ATN1: variants seen among roughly 807,000 people sequenced by gnomAD.
ATN1 encodes the protein atrophin 1, also known as atrophin-1.
Under a neutral mutation model 85.8 loss-of-function variants are expected in ATN1, and 19 were observed. The ratio of observed to expected loss-of-function variants is 0.22; its 90% CI spans 0.15 to 0.32. ATN1 has a LOEUF of 0.32. Among genes scored for constraint, ATN1 ranks in the 10% least tolerant of loss-of-function variants. ATN1 has a pLI of 1.00. For synonymous variants in ATN1, 674 were observed against 657.0 expected, an observed-to-expected ratio of 1.03 and a Z score of -0.39; for missense variants, 1,453 against 1,564.5, an observed-to-expected ratio of 0.93 and a Z score of 1.20.
In ATN1 at chr12:6,939,223, C is replaced by T. The variant is rs782527560; in HGVS notation, c.3214+46C>T. Reference sequence around the variant, plus strand: ...CCCTGGCCCTTTGGGGCCACCTTCCCCCTATCATGACTGGGCTCTTTCATT... The same window carrying T: ...CCCTGGCCCTTTGGGGCCACCTTCCTCCTATCATGACTGGGCTCTTTCATT... On this transcript the variant is annotated intron_variant, in intron 7 of 9. Coordinates refer to ENST00000396684, the MANE Select transcript of ATN1 (RefSeq NM_001940.4). 10 of 1,540,012 alleles carry T rather than the reference C, an allele frequency of 6.5e-6. No individual in the cohort carries two copies. The South Asian group carries it at 9.6e-5, about 15-fold the overall frequency.
chr12:6,937,567 C>A lies in ATN1; in HGVS notation c.2294+6C>A. 1.3e-6 allele frequency: 2 copies of A among 1,489,626 alleles called. No individual in the cohort carries two copies. The highest frequency in any genetic ancestry group is 1.8e-6 in the Non-Finnish European group (2 of 1,120,244). The allele number at this position is 1,489,626 out of a possible 1,614,324, so 92.3% of individuals were successfully genotyped here. ...CATGCCAGTCAGTCTGCCAGGTGAG[C>A]GGCCAGGTGGGGCGGAGGTGGGCCT... On this transcript the variant is annotated splice_donor_region_variant and intron_variant, in intron 5 of 9. Transcript: ENST00000396684. This position sits in a 1 kb window ranked among gnomAD's most constrained non-coding sequence, Gnocchi z 6.0.
At chr12:6,929,315 A>G (rs1443940498) in intron 1 of ATN1, among the ~76,000 whole-genome samples, 1 of 152,148 alleles carries the variant, frequency 6.6e-6, no homozygotes, top group East Asian at 1.9e-4. Context: ...TGATCTATAT[A>G]GGGAGGCCTT....
At position 6,936,860 on chromosome 12, in the gene ATN1, C is replaced by T; in HGVS notation, c.1593C>T (p.Ala531=). 1.9e-6 allele frequency: 3 copies of T among 1,614,044 alleles called. No homozygotes were observed. The highest frequency in any genetic ancestry group is 2.5e-6 in the Non-Finnish European group (3 of 1,179,978). The change falls in exon 5 of 10, where the codon GCC becomes GCT. Residue 531 remains alanine, a synonymous_variant. Transcript: ENST00000396684. ...GGSSHHAHPY[A]MSPSLGSLRP... is the part of the protein sequence containing the mutation. ...GCTCCCACCACGCACACCCTTACGC[C>T]ATGTCTCCCTCCCTGGGGTCTCTGA... is the stretch of plus-strand genomic sequence containing the variant.
rs1443242817 is a variant in ATN1 at position 6,938,924 on chromosome 12, C to T, written c.2961C>T (p.His987=). The change falls in exon 7 of 10, where the codon CAC becomes CAT. Residue 987 remains histidine, a synonymous_variant. Coordinates refer to ENST00000396684, the MANE Select transcript of ATN1 (RefSeq NM_001940.4). ...LALQPGPPGL[H]PFPFHPSLGP... is the part of the protein sequence containing the mutation. ...TGCAGCCTGGCCCACCTGGCCTGCA[C>T]CCTTTCCCCTTTCATCCGAGCCTGG... The T allele has an allele frequency of 6.2e-7, 1 of 1,613,928 alleles. No individual in the cohort carries two copies. The highest frequency in any genetic ancestry group is 1.3e-5 in the African/African-American group (1 of 74,932).
upstream of ATN1, among the ~76,000 whole-genome samples, chr12:6,925,151 A>T (rs782734227): frequency 0.048 from 6,176 of 127,628 alleles, 403 homozygotes; most frequent in African/African-American, 0.18. Flanking sequence ...TGAGAGAGAG[A>T]GAGAGAGATG....
rs781966372 is a variant in ATN1, at chr12:6,936,133, C to T, written c.866C>T (p.Pro289Leu). 17 of 1,531,442 alleles carry T rather than the reference C, an allele frequency of 1.1e-5. No homozygotes were observed. Among genetic ancestry groups the T allele is most frequent in the East Asian group, 6.8e-5 (3 of 44,244 alleles). 94.9% of individuals were successfully genotyped at this position (1,531,442 alleles called of 1,614,324 possible). A position where few individuals can be genotyped will look rare whatever the true frequency, so the allele number is the denominator to read the frequency against. The change falls in exon 5 of 10, where the codon CCA becomes CTA. Residue 289 changes from proline to leucine, a missense_variant. Transcript: ENST00000396684. ...PVGGGNLPSA[P>L]PPANFPHVTP... ...GGTGGTGGGAACCTACCTTCTGCTC[C>T]ACCACCAGCCAACTTCCCCCATGTG...
Position 6,937,882 on chromosome 12 carries a change from G to A in ATN1, c.2332G>A (p.Ala778Thr), listed in dbSNP as rs782783723. The change falls in exon 6 of 10, where the codon GCG becomes ACG. Residue 778 changes from alanine (A) to threonine (T), a missense_variant. By Grantham distance (58) the Ala-to-Thr change is moderately conservative. Coordinates refer to ENST00000396684, the MANE Select transcript of ATN1 (RefSeq NM_001940.4). The surrounding 1 kb of genome is among the most constrained non-coding windows in gnomAD (Gnocchi z 6.0). ...CCTGGATCGCGGCTTCAACTCGTGC[G>A]CGCGCAGCGACCTGTACTTCGTGCC... is the stretch of plus-strand genomic sequence containing the variant. ...KHLDRGFNSCARSDLYFVPLE... is the reference protein window; with the variant it reads ...KHLDRGFNSCTRSDLYFVPLE... 3 of 1,590,338 alleles carry A rather than the reference G, an allele frequency of 1.9e-6. No individual in the cohort carries two copies. The highest frequency in any genetic ancestry group is 2.7e-5 in the African/African-American group (2 of 73,978).
chr12:6,928,426 T>C (rs1725082632), intron 1 of ATN1, 42 bp downstream of exon 1: 1 of 151,866 alleles, frequency 6.6e-6, no homozygotes, highest in African/African-American at 2.4e-5. Flanking sequence ...CGCGGGGTTC[T>C]GTCCCGCCCG....
upstream of ATN1, among the ~76,000 whole-genome samples, chr12:6,925,013 C>A (rs146380040): frequency 3.9e-5 from 6 of 152,132 alleles, no homozygotes; most frequent in African/African-American, 1.4e-4. Flanking sequence ...GCCCTTCTCT[C>A]CACTTTCCCT....
At chr12:6,928,853 T>C (rs1167532866) in intron 1 of ATN1, among the ~76,000 whole-genome samples, 2 of 151,628 alleles carry the variant, frequency 1.3e-5, no homozygotes, top group Non-Finnish European at 2.9e-5. Flanking sequence ...TTCCGGAGCC[T>C]GGGGTTGGGG....
At chr12:6,926,001 C>G (rs759393643), upstream of ATN1, among the ~76,000 whole-genome samples, 3 of 152,204 alleles carry the variant, frequency 2.0e-5, no homozygotes, top group Non-Finnish European at 4.4e-5. Flanking sequence ...CACCCTGTGT[C>G]CTTTGTCCTG....
At chr12:6,928,850 G>T (rs1370835574) in intron 1 of ATN1, among the ~76,000 whole-genome samples, 1 of 152,186 alleles carries the variant, frequency 6.6e-6, no homozygotes, top group Non-Finnish European at 1.5e-5. Context: ...GGGTTCCGGA[G>T]CCTGGGGTTG....
chr12:6,938,930 C>T lies in ATN1; in HGVS notation c.2967C>T (p.Phe989=), dbSNP rs782274469. 1.9e-6 allele frequency: 3 copies of T among 1,614,046 alleles called. No homozygotes were observed. The highest frequency in any genetic ancestry group is 2.5e-6 in the Non-Finnish European group (3 of 1,180,012). The change falls in exon 7 of 10, where the codon TTC becomes TTT. Residue 989 remains phenylalanine, a synonymous_variant. Coordinates refer to ENST00000396684, the MANE Select transcript of ATN1 (RefSeq NM_001940.4). ...CTGGCCCACCTGGCCTGCACCCTTT[C>T]CCCTTTCATCCGAGCCTGGGGCCCC... is the stretch of plus-strand genomic sequence containing the variant. The part of the protein sequence containing the change: ...LQPGPPGLHP[F]PFHPSLGPLE...
Position 6,935,441 on chromosome 12 carries a change from A to T in ATN1, c.280-106A>T. ...TGAGCAAGAGTACTCACCACATCAC[A>T]GTACAACAGTGTGCTGTGAGGGGAA... On this transcript the variant is annotated intron_variant, in intron 4 of 9. Coordinates refer to ENST00000396684, the MANE Select transcript of ATN1 (RefSeq NM_001940.4). The surrounding 1 kb of genome is among the most constrained non-coding windows in gnomAD (Gnocchi z 5.3). The T allele has an allele frequency of 7.8e-7, 1 of 1,286,538 alleles. No individual in the cohort carries two copies. Among genetic ancestry groups the T allele is most frequent in the Non-Finnish European group, 1.1e-6 (1 of 942,474 alleles). 79.7% of individuals were successfully genotyped at this position (1,286,538 alleles called of 1,614,324 possible). A position where few individuals can be genotyped will look rare whatever the true frequency, so the allele number is the denominator to read the frequency against.
In ATN1 at chr12:6,936,185, C is replaced by T; in HGVS notation, c.918C>T (p.Ala306=). The change falls in exon 5 of 10, where the codon GCC becomes GCT. Residue 306 remains alanine, a synonymous_variant. Coordinates refer to ENST00000396684, the MANE Select transcript of ATN1 (RefSeq NM_001940.4). ...CACCGAACCTGCCTCCCCCACCTGC[C>T]CTGAGACCCCTCAACAATGCATCAG... The part of the protein sequence containing the change: ...HVTPNLPPPP[A]LRPLNNASAS... 1 of 1,571,090 alleles carries T rather than the reference C, an allele frequency of 6.4e-7. No homozygotes were observed. Among genetic ancestry groups the T allele is most frequent in the African/African-American group, 1.4e-5 (1 of 73,904 alleles).
chr12:6,941,647 G>C lies in ATN1; in HGVS notation c.3539+93G>C. ...ACGGCTGGGCACCGTGCTCCTGGGG[G>C]AGGGAACCCCTCCTCTCCCAACCCC... On this transcript the variant is annotated intron_variant, in intron 9 of 9. Transcript: ENST00000396684. This position sits in a 1 kb window ranked among gnomAD's most constrained non-coding sequence, Gnocchi z 5.9. The C allele has an allele frequency of 6.3e-7, 1 of 1,595,540 alleles. No homozygotes were observed. The highest frequency in any genetic ancestry group is 1.7e-5 in the Admixed American group (1 of 59,762).
chr12:6,931,530 A>G (rs1455131269), intron 1 of ATN1, among the ~76,000 whole-genome samples: 20 of 151,420 alleles, frequency 1.3e-4, no homozygotes, highest in South Asian at 4.2e-4. Context: ...CCTGGTCAAC[A>G]TGGTGAAACT....
rs782490220 is a variant in ATN1 at position 6,941,829 on chromosome 12, AC to A, written c.*54del. 75 of 1,594,986 alleles carry A rather than the reference AC, an allele frequency of 4.7e-5. 1 individual carries two copies. The Admixed American group carries it at 9.9e-4, about 21-fold the overall frequency. On this transcript the variant is annotated 3_prime_UTR_variant, in exon 10 of 10. Coordinates refer to ENST00000396684, the MANE Select transcript of ATN1 (RefSeq NM_001940.4). This position sits in a 1 kb window ranked among gnomAD's most constrained non-coding sequence, Gnocchi z 5.9. ...TGGCTCCTACATTGGACCTTGGAGC[AC>A]CCCCACCCTCCCCCCACCGTGCCCT...
chr12:6,936,860 C>G lies in ATN1; in HGVS notation c.1593C>G (p.Ala531=). ...GCTCCCACCACGCACACCCTTACGC[C>G]ATGTCTCCCTCCCTGGGGTCTCTGA... ...GGSSHHAHPY[A]MSPSLGSLRP... Residue 531 remains alanine, a synonymous_variant, in exon 5 of 10, where the codon GCC becomes GCG. Transcript: ENST00000396684. 6.2e-7 allele frequency: 1 copy of G among 1,614,044 alleles called. No homozygotes were observed.
Sources: allele counts gnomAD v4.1 joint callset (sites outside exome capture counted in the v4.1 genomes callset), GRCh38; gene constraint gnomAD v4.1.1; non-coding constraint Gnocchi (gnomAD v3.1); transcripts MANE v1.5; gene names NCBI Gene and HGNC (gene_info 2026-07-23, HGNC 2026-07-21).